Variants in TPM4 observed in about 807,000 individuals in gnomAD.
The protein encoded by TPM4 is tropomyosin 4.
Under a neutral mutation model 35.8 loss-of-function variants are expected in TPM4, and 17 were observed. That is an observed-to-expected ratio of 0.47 (90% confidence interval 0.32 to 0.71). The LOEUF is 0.71. TPM4 is among the 30% of genes least tolerant of loss of function. The pLI, the probability that TPM4 is intolerant of heterozygous loss-of-function variation, is 0.03. For missense variants in TPM4, 240 were observed against 320.9 expected (o/e 0.75, Z 1.93); for synonymous variants, 120 against 122.9 (o/e 0.98, Z 0.15).
chr19:16,068,603 CTG>C (rs1013513338), intron 2 of TPM4, among the ~76,000 whole-genome samples: 2 of 152,018 alleles, frequency 1.3e-5, no homozygotes, highest in Non-Finnish European at 2.9e-5. Flanking sequence ...GAGCGTGTGT[CTG>C]TGTGTATCTA....
At chr19:16,099,914 T>C (rs1463643230) in intron 7 of TPM4, 2 of 152,176 alleles carry the variant, frequency 1.3e-5, no homozygotes, top group Admixed American at 1.3e-4. Flanking sequence ...CCTGGATTCA[T>C]AGACAGTTAC....
rs145993751 is a variant in TPM4, at chr19:16,093,679, T to C, written c.595-5T>C. The C allele has an allele frequency of 9.0e-5, 146 of 1,614,216 alleles. No homozygotes were observed. In the African/African-American group the frequency reaches 1.8e-3, roughly 20 times the overall value. ...CATGATAGTAACTCCTTTCTTCTTA[T>C]CTAGGCTGAGACCCGTGCTGAATTT... On this transcript the variant is annotated splice_polypyrimidine_tract_variant and splice_region_variant and intron_variant, in intron 6 of 7. Transcript: ENST00000643579.
chr19:16,076,126 A>G, upstream of TPM4: 1 of 1,583,680 alleles, frequency 6.3e-7, no homozygotes, highest in Non-Finnish European at 8.6e-7. Flanking sequence ...GAGGACCTGA[A>G]GGACGCGCAG....
At chr19:16,080,165 G>A (rs1341798236) in intron 1 of TPM4, 4 of 197,106 alleles carry the variant, frequency 2.0e-5, no homozygotes, top group South Asian at 3.8e-4. Context: ...GCCTTGCCTC[G>A]TAGCCCTGGC....
Position 16,093,534 on chromosome 19 carries a change from A to G in TPM4, c.532-2A>G. 6.2e-7 allele frequency: 1 copy of G among 1,614,078 alleles called. No individual in the cohort carries two copies. Among genetic ancestry groups the G allele is most frequent in the Non-Finnish European group, 8.5e-7 (1 of 1,180,020 alleles). Reference sequence around the variant, plus strand: ...AAAGCAGTGTTTTGGTTTCTCCCACAGTATTCTGAAAAGGAGGACAAATAT... The same window carrying G: ...AAAGCAGTGTTTTGGTTTCTCCCACGGTATTCTGAAAAGGAGGACAAATAT... On this transcript the variant is annotated splice_acceptor_variant, in intron 5 of 7. Transcript: ENST00000643579. LOFTEE classifies it high-confidence loss of function.
At chr19:16,082,129 G>A in intron 2 of TPM4, 83 bp downstream of exon 2, 1 of 1,498,588 alleles carries the variant, frequency 6.7e-7, no homozygotes, top group Non-Finnish European at 9.0e-7. Context: ...GAGCTGGTGT[G>A]AAAGTAAACA....
chr19:16,088,352 G>A, intron 4 of TPM4: 1 of 1,317,192 alleles, frequency 7.6e-7, no homozygotes, highest in Non-Finnish European at 9.8e-7. Flanking sequence ...ACAGGAGGCA[G>A]CAGGGAAGCC....
chr19:16,077,039 G>A (rs1047506760), intron 1 of TPM4: 3 of 235,810 alleles, frequency 1.3e-5, no homozygotes, highest in African/African-American at 2.3e-5. Context: ...TCCGACTCCG[G>A]GGCTGGCGCC....
chr19:16,102,431 A>G lies in TPM4; in HGVS notation c.*1085A>G, dbSNP rs1350178320. ...CAGGAATATGGTGGAGTTCAGTCCA[A>G]TTCAGGTCAGCCATATCCAAAAGAC... On this transcript the variant is annotated 3_prime_UTR_variant, in exon 8 of 8. Transcript: ENST00000643579. 1 of 222,646 alleles carries G rather than the reference A, an allele frequency of 4.5e-6. No homozygotes were observed. The highest frequency in any genetic ancestry group is 2.2e-5 in the African/African-American group (1 of 44,740). 13.8% of individuals were successfully genotyped at this position (222,646 alleles called of 1,614,324 possible). A position where few individuals can be genotyped will look rare whatever the true frequency, so the allele number is the denominator to read the frequency against.
At chr19:16,099,068 CTCTG>C (rs1415382173) in intron 7 of TPM4, among the ~76,000 whole-genome samples, 1 of 92,304 alleles carries the variant, frequency 1.1e-5, no homozygotes, top group Non-Finnish European at 2.2e-5. Context: ...AGTCACTTGA[CTCTG>C]TGTGTGTGTG....
chr19:16,100,465 G>A (rs937008313), intron 7 of TPM4: 1 of 152,156 alleles, frequency 6.6e-6, no homozygotes, highest in African/African-American at 2.4e-5. Flanking sequence ...TTACAACTGT[G>A]ACTCCCAAAT....
At chr19:16,073,937 GTA>G (rs2090377785), upstream of TPM4, among the ~76,000 whole-genome samples, 1 of 7,726 alleles carries the variant, frequency 1.3e-4, no homozygotes, top group Non-Finnish European at 2.6e-4. Flanking sequence ...GGAAGACCAT[GTA>G]AAAAAAAAAA....
intron 3 of TPM4, among the ~76,000 whole-genome samples, chr19:16,087,684 C>T (rs956108925): frequency 6.6e-6 from 1 of 152,126 alleles, no homozygotes; most frequent in African/African-American, 2.4e-5. Flanking sequence ...AATTCGAGAC[C>T]AGCCTGGCCA....
rs2090687687 is a variant in TPM4 at position 16,095,692 on chromosome 19, C to T, written c.664+1939C>T. ...CTGAAGACGTGAAAACAAAAGCAAA[C>T]TGGGCATGTGCTCTCAGATACCGCT... On this transcript the variant is annotated intron_variant, in intron 7 of 7. Transcript: ENST00000643579. The T allele has an allele frequency of 4.6e-6, 3 of 657,448 alleles. No homozygotes were observed. In the South Asian group the frequency reaches 2.1e-4, roughly 45 times the overall value. 40.7% of individuals were successfully genotyped at this position (657,448 alleles called of 1,614,324 possible). A position where few individuals can be genotyped will look rare whatever the true frequency, so the allele number is the denominator to read the frequency against.
In TPM4 at chr19:16,091,381, G is replaced by A. The variant is rs369399496; in HGVS notation, c.532-2155G>A. Among the ~76,000 whole-genome samples the A allele has an allele frequency of 3.5e-4, 54 of 152,240 alleles. No individual in the cohort carries two copies. The East Asian group carries it at 5.0e-3, about 14-fold the overall frequency. On this transcript the variant is annotated intron_variant, in intron 5 of 7. Coordinates refer to ENST00000643579, the MANE Select transcript of TPM4 (RefSeq NM_003290.3). ...ATCTGCTCTTGAAGAGCTCAGAGTCGAGTCTAGTGGAAGGGATTGACAAAG... is the reference window on the plus strand; with the variant it reads ...ATCTGCTCTTGAAGAGCTCAGAGTCAAGTCTAGTGGAAGGGATTGACAAAG...
chr19:16,081,397 CT>C (rs374854830), intron 1 of TPM4: 1,882 of 136,440 alleles, frequency 0.014, 1 homozygote, highest in Middle Eastern at 0.03. Context: ...GGGACACTCG[CT>C]TTTTTTTTTT....
chr19:16,076,722 G>C, intron 1 of TPM4, 25 bp downstream of exon 1: 1 of 1,305,828 alleles, frequency 7.7e-7, no homozygotes, highest in Middle Eastern at 2.9e-4. Context: ...CTCGGGCCCC[G>C]CACCCGCAGC....
intron 1 of TPM4, chr19:16,077,984 A>G: frequency 2.6e-6 from 1 of 385,984 alleles, no homozygotes. Context: ...CATGCTGGCC[A>G]GGCTGGTCTC....
At position 16,090,696 on chromosome 19, in the gene TPM4, A is replaced by G. The variant is rs569646330; in HGVS notation, c.531+1576A>G. ...ATGATTTCTTACATTTATTATAGTT[A>G]CTCCATTAATTGCATGCCTTCCTTG... On this transcript the variant is annotated intron_variant, in intron 5 of 7. Coordinates refer to ENST00000643579, the MANE Select transcript of TPM4 (RefSeq NM_003290.3). 3.3e-4 allele frequency among the ~76,000 whole-genome samples: 50 copies of G among 151,718 alleles called. 2 individuals are homozygous for G. In the South Asian group the frequency reaches 0.01, roughly 31 times the overall value.
Sources: allele counts gnomAD v4.1 joint callset (sites outside exome capture counted in the v4.1 genomes callset), GRCh38; gene constraint gnomAD v4.1.1; transcripts MANE v1.5; gene names NCBI Gene and HGNC (gene_info 2026-07-23, HGNC 2026-07-21).